The following MRPS18B variants were observed in gnomAD, a reference collection of about 807,000 sequenced individuals.
MRPS18B encodes the protein mitochondrial ribosomal protein S18B.
Under a neutral mutation model 28.4 loss-of-function variants are expected in MRPS18B, and 27 were observed. The ratio of observed to expected loss-of-function variants is 0.95; its 90% CI spans 0.70 to 1.31. The LOEUF (loss-of-function observed/expected upper bound fraction) is 1.31. MRPS18B is among the 40% of genes most tolerant of loss of function. The pLI, the probability that MRPS18B is intolerant of heterozygous loss-of-function variation, is 0.00. For synonymous variants in MRPS18B, 118 were observed against 123.7 expected (o/e 0.95, Z 0.30); for missense variants, 343 against 335.9 (o/e 1.02, Z -0.17).
In MRPS18B at chr6:30,625,732, A is replaced by G. The variant is rs1350163060; in HGVS notation, c.712A>G (p.Met238Val). ...SGPPPESMPK[M>V]PPRTPAEASS... is the part of the protein sequence containing the mutation. The stretch of plus-strand genomic sequence containing the variant: ...CCCCCCACCTGAGTCAATGCCCAAG[A>G]TGCCCCCTAGAACACCAGCGGAAGC... Residue 238 changes from methionine to valine, a missense_variant, in exon 7 of 7, where the codon ATG (methionine) becomes GTG (valine). Transcript: ENST00000259873. The G allele has an allele frequency of 6.2e-7, 1 of 1,613,060 alleles. No individual in the cohort carries two copies. The highest frequency in any genetic ancestry group is 8.5e-7 in the Non-Finnish European group (1 of 1,180,024).
In MRPS18B at chr6:30,619,550, G is replaced by T. The variant is rs373782294; in HGVS notation, c.136G>T (p.Val46Phe). ...APSEEDSLSS[V>F]PISPYKDEPW... ...CTCTGAGGAAGATTCTTTGTCCTCA[G>T]TTCCCATTTCTCCTTATAAGGATGA... The change falls in exon 2 of 7, where the codon GTT (valine) becomes TTT (phenylalanine). Residue 46 changes from valine (V) to phenylalanine (F), a missense_variant. By Grantham distance (50) the Val-to-Phe change is conservative. Transcript: ENST00000259873. 2 of 1,612,808 alleles carry T rather than the reference G, an allele frequency of 1.2e-6. No homozygotes were observed. The highest frequency in any genetic ancestry group is 3.3e-5 in the Admixed American group (2 of 59,992).
rs1582723366 is a variant in MRPS18B at position 30,626,380 on chromosome 6, A to G, written c.*583A>G. The stretch of plus-strand genomic sequence containing the variant: ...CTCAGCTTTTACACAATAAAGCTCT[A>G]CTGTCTCTGGTTTGCTTTGGGCTGT... On this transcript the variant is annotated 3_prime_UTR_variant, in exon 7 of 7. Coordinates refer to ENST00000259873, the MANE Select transcript of MRPS18B (RefSeq NM_014046.4). The G allele has an allele frequency of 1.2e-5, 2 of 172,458 alleles. No individual in the cohort carries two copies. Among genetic ancestry groups the G allele is most frequent in the Admixed American group, 5.7e-5 (1 of 17,400 alleles). The allele number at this position is 172,458 out of a possible 1,614,324, so 10.7% of individuals were successfully genotyped here.
In MRPS18B at chr6:30,625,555, A is replaced by G; in HGVS notation, c.535A>G (p.Thr179Ala). ...TGAACCACGGGACCTTGACTTCAGT[A>G]CCTCTCATGGGGCTGTGAGTGCTAC... ...QVEPRDLDFS[T>A]SHGAVSATPP... Residue 179 changes from threonine (T) to alanine (A), a missense_variant, in exon 7 of 7, where the codon ACC (threonine) becomes GCC (alanine). By Grantham distance (58) the Thr-to-Ala change is moderately conservative (BLOSUM62 0). Transcript: ENST00000259873. 1 of 1,598,408 alleles carries G rather than the reference A, an allele frequency of 6.3e-7. No individual in the cohort carries two copies. Among genetic ancestry groups the G allele is most frequent in the East Asian group, 2.2e-5 (1 of 44,468 alleles).
intron 1 of MRPS18B, 26 bp downstream of exon 1, chr6:30,617,969 C>G: frequency 6.2e-7 from 1 of 1,613,052 alleles, no homozygotes; most frequent in Non-Finnish European, 8.5e-7. Flanking sequence ...ACATTTTGCA[C>G]AACCTCAAGT....
In MRPS18B at chr6:30,625,487, T is replaced by C; in HGVS notation, c.482-15T>C. ...TCATTGCCTCTTAAATTTCTTTTCTTTTTTAATCCCTTAGGTCTCCTCATT... is the reference window on the plus strand; with the variant it reads ...TCATTGCCTCTTAAATTTCTTTTCTCTTTTAATCCCTTAGGTCTCCTCATT... On this transcript the variant is annotated splice_polypyrimidine_tract_variant and intron_variant, in intron 6 of 6. Transcript: ENST00000259873. 6.6e-7 allele frequency: 1 copy of C among 1,515,996 alleles called. No homozygotes were observed. Among genetic ancestry groups the C allele is most frequent in the Non-Finnish European group, 8.8e-7 (1 of 1,130,408 alleles). 93.9% of individuals were successfully genotyped at this position (1,515,996 alleles called of 1,614,324 possible).
chr6:30,617,946 A>G lies in MRPS18B; in HGVS notation c.78+3A>G, dbSNP rs1475089107. The G allele has an allele frequency of 3.1e-6, 5 of 1,614,126 alleles. No homozygotes were observed. Among genetic ancestry groups the G allele is most frequent in the Non-Finnish European group, 3.4e-6 (4 of 1,179,996 alleles). On this transcript the variant is annotated splice_donor_region_variant and intron_variant, in intron 1 of 6. Transcript: ENST00000259873. ...TCCGAGGTTCTCACAGAGTTCAGGT[A>G]ACTCTTCGAAAGACATTTTGCACAA... is the stretch of plus-strand genomic sequence containing the variant.
intron 1 of MRPS18B, 67 bp downstream of exon 1, chr6:30,618,010 C>A: frequency 6.4e-7 from 1 of 1,558,932 alleles, no homozygotes; most frequent in Non-Finnish European, 8.8e-7. Flanking sequence ...TGTCGCTCCA[C>A]TGTCAGGAAT....
intron 6 of MRPS18B, 122 bp from the exon 7 acceptor site, chr6:30,625,380 C>T (rs1222344980): frequency 2.0e-6 from 2 of 1,011,054 alleles, no homozygotes; most frequent in Admixed American, 2.3e-5. Context: ...TTGCAGTATA[C>T]AACATGCATA....
chr6:30,620,312 G>A (rs773509640), intron 4 of MRPS18B, among the ~76,000 whole-genome samples: 4 of 150,472 alleles, frequency 2.7e-5, no homozygotes, highest in East Asian at 1.9e-4. Flanking sequence ...GTGAGACTCC[G>A]TCTCAAAAAA....
intron 5 of MRPS18B, 125 bp from the exon 6 acceptor site, chr6:30,624,758 G>C: frequency 3.0e-6 from 3 of 984,082 alleles, no homozygotes; most frequent in Non-Finnish European, 4.6e-6. Flanking sequence ...CCATGGAGGG[G>C]TCAGGGGAAA....
chr6:30,625,378 T>C (rs754306842), intron 6 of MRPS18B, 124 bp from the exon 7 acceptor site: 64 of 1,003,196 alleles, frequency 6.4e-5, no homozygotes, highest in Non-Finnish European at 9.3e-5. Flanking sequence ...GTTTGCAGTA[T>C]ACAACATGCA....
chr6:30,625,451 A>G (rs1482686412), intron 6 of MRPS18B, 51 bp from the exon 7 acceptor site: 4 of 1,456,854 alleles, frequency 2.7e-6, no homozygotes, highest in Non-Finnish European at 3.7e-6. Context: ...ACTTCATCTA[A>G]ACCACCCTCC....
Position 30,625,559 on chromosome 6 carries a change from C to T in MRPS18B, c.539C>T (p.Ser180Phe), listed in dbSNP as rs146860483. 5 of 1,605,622 alleles carry T rather than the reference C, an allele frequency of 3.1e-6. No homozygotes were observed. Among genetic ancestry groups the T allele is most frequent in the Non-Finnish European group, 4.3e-6 (5 of 1,173,968 alleles). ...VEPRDLDFST[S>F]HGAVSATPPA... ...CCACGGGACCTTGACTTCAGTACCTCTCATGGGGCTGTGAGTGCTACTCCG... is the reference window on the plus strand; with the variant it reads ...CCACGGGACCTTGACTTCAGTACCTTTCATGGGGCTGTGAGTGCTACTCCG... The change falls in exon 7 of 7, where the codon TCT becomes TTT. Residue 180 changes from serine (S) to phenylalanine (F), a missense_variant. Physicochemically the swap from Ser to Phe is radical, Grantham distance 155. Coordinates refer to ENST00000259873, the MANE Select transcript of MRPS18B (RefSeq NM_014046.4).
chr6:30,620,814 C>T (rs536418545), intron 4 of MRPS18B, among the ~76,000 whole-genome samples: 54 of 152,204 alleles, frequency 3.5e-4, no homozygotes, highest in African/African-American at 9.1e-4. Flanking sequence ...GTGACCCACC[C>T]GCCTCGGCCT....
Position 30,626,086 on chromosome 6 carries a change from G to T in MRPS18B, c.*289G>T. On this transcript the variant is annotated 3_prime_UTR_variant, in exon 7 of 7. Transcript: ENST00000259873. Reference sequence around the variant, plus strand: ...TGCACTCCAGCCTGGGTGACAGCTAGACCCTGTCTCAAAAAAAAAAAAAAA... The same window carrying T: ...TGCACTCCAGCCTGGGTGACAGCTATACCCTGTCTCAAAAAAAAAAAAAAA... The T allele has an allele frequency of 1.8e-5, 6 of 329,820 alleles. No homozygotes were observed. Among genetic ancestry groups the T allele is most frequent in the African/African-American group, 2.2e-5 (1 of 44,524 alleles). 20.4% of individuals were successfully genotyped at this position (329,820 alleles called of 1,614,324 possible).
chr6:30,618,058 C>G, intron 1 of MRPS18B, 115 bp downstream of exon 1: 1 of 1,062,728 alleles, frequency 9.4e-7, no homozygotes, highest in Non-Finnish European at 1.4e-6. Flanking sequence ...TCTTAGCTGT[C>G]TAGGCAGTAC....
chr6:30,620,317 A>C (rs1761070883), intron 4 of MRPS18B, among the ~76,000 whole-genome samples: 1 of 142,764 alleles, frequency 7.0e-6, no homozygotes, highest in Non-Finnish European at 1.5e-5. Flanking sequence ...ACTCCGTCTC[A>C]AAAAAAAAAT....
At chr6:30,620,936 C>T (rs1462809014) in intron 4 of MRPS18B, among the ~76,000 whole-genome samples, 1 of 152,304 alleles carries the variant, frequency 6.6e-6, no homozygotes, top group East Asian at 1.9e-4. Flanking sequence ...ACAGTTATTA[C>T]CAAATATATT....
Position 30,617,950 on chromosome 6 carries a change from C to G in MRPS18B, c.78+7C>G. On this transcript the variant is annotated splice_region_variant and intron_variant, in intron 1 of 6. Coordinates refer to ENST00000259873, the MANE Select transcript of MRPS18B (RefSeq NM_014046.4). ...AGGTTCTCACAGAGTTCAGGTAACTCTTCGAAAGACATTTTGCACAACCTC... is the reference window on the plus strand; with the variant it reads ...AGGTTCTCACAGAGTTCAGGTAACTGTTCGAAAGACATTTTGCACAACCTC... 3.1e-6 allele frequency: 5 copies of G among 1,614,128 alleles called. No homozygotes were observed. Among genetic ancestry groups the G allele is most frequent in the Non-Finnish European group, 4.2e-6 (5 of 1,179,992 alleles).
Sources: allele counts gnomAD v4.1 joint callset (sites outside exome capture counted in the v4.1 genomes callset), GRCh38; gene constraint gnomAD v4.1.1; transcripts MANE v1.5; gene names NCBI Gene and HGNC (gene_info 2026-07-23, HGNC 2026-07-21).